The following WWOX variants were observed in gnomAD, a reference collection of about 807,000 sequenced individuals.
WWOX encodes WW domain-containing oxidoreductase.
A neutral mutation model predicts 46.2 loss-of-function variants in WWOX; 69 were observed. The ratio of observed to expected loss-of-function variants is 1.49; its 90% CI spans 1.23 to 1.82. The LOEUF is 1.82. WWOX is among the 40% of genes most tolerant of loss of function. The pLI, the probability that WWOX is intolerant of heterozygous loss-of-function variation, is 0.00. For synonymous variants in WWOX, 359 were observed against 202.6 expected, an observed-to-expected ratio of 1.77 and a Z score of -6.56; for missense variants, 919 against 542.6, an observed-to-expected ratio of 1.69 and a Z score of -6.89.
intron 8 of WWOX, among the ~76,000 whole-genome samples, chr16:79,109,533 G>C (rs1399118274): frequency 6.6e-6 from 1 of 152,100 alleles, no homozygotes; most frequent in African/African-American, 2.4e-5. Flanking sequence ...TGGGATCTTG[G>C]CAAATTAATA....
intron 8 of WWOX, among the ~76,000 whole-genome samples, chr16:78,690,185 C>G (rs935412102): frequency 6.6e-6 from 1 of 152,142 alleles, no homozygotes; most frequent in East Asian, 1.9e-4. Flanking sequence ...ACAACCCCCC[C>G]TCCACACTGC....
intron 8 of WWOX, among the ~76,000 whole-genome samples, chr16:78,757,937 C>G (rs1335254404): frequency 6.6e-6 from 1 of 151,998 alleles, no homozygotes; most frequent in Admixed American, 6.6e-5. Flanking sequence ...ATTAGGGTTT[C>G]CAAATATGAG....
In WWOX at chr16:78,933,855, A is replaced by G. The variant is rs114372555; in HGVS notation, c.1057-277753A>G. Among the ~76,000 whole-genome samples, 536 of 152,176 alleles carry G rather than the reference A, an allele frequency of 3.5e-3. 6 individuals carry two copies. The highest frequency in any genetic ancestry group is 0.012 in the African/African-American group (509 of 41,506). On this transcript the variant is annotated intron_variant, in intron 8 of 8. Transcript: ENST00000566780. ...GGAATTGTGGGAGTTACAAGTTGCA[A>G]TTCAACATGAGATTTGGGTGGGGAC...
At chr16:78,760,238 G>C (rs576163607) in intron 8 of WWOX, among the ~76,000 whole-genome samples, 2 of 152,126 alleles carry the variant, frequency 1.3e-5, no homozygotes, top group Admixed American at 6.6e-5. Context: ...GATCTCATGA[G>C]ACTTATTCAC....
chr16:78,717,155 G>C (rs949201150), intron 8 of WWOX, among the ~76,000 whole-genome samples: 4 of 152,176 alleles, frequency 2.6e-5, no homozygotes, highest in Admixed American at 2.0e-4. Flanking sequence ...TGTAAATCTA[G>C]TCTGTCTCCC....
At chr16:78,360,440 C>G (rs927600212) in intron 5 of WWOX, among the ~76,000 whole-genome samples, 5 of 151,890 alleles carry the variant, frequency 3.3e-5, no homozygotes, top group Non-Finnish European at 5.9e-5. Flanking sequence ...CAAAAATTAG[C>G]CTGGCATGGC....
At chr16:79,199,890 C>T (rs2051313592) in intron 8 of WWOX, among the ~76,000 whole-genome samples, 1 of 152,154 alleles carries the variant, frequency 6.6e-6, no homozygotes. Flanking sequence ...GTATGGCAGC[C>T]AGAGGGCAGG....
intron 8 of WWOX, among the ~76,000 whole-genome samples, chr16:79,025,243 C>A (rs548040692): frequency 6.6e-6 from 1 of 152,238 alleles, no homozygotes; most frequent in Non-Finnish European, 1.5e-5. Flanking sequence ...GAGGCTCTTG[C>A]AGTTATCTGG....
chr16:78,375,243 A>C (rs2081791164), intron 5 of WWOX, among the ~76,000 whole-genome samples: 1 of 152,254 alleles, frequency 6.6e-6, no homozygotes, highest in African/African-American at 2.4e-5. Context: ...CATATTCTGC[A>C]TACCAAGCAC....
chr16:78,873,928 G>A (rs935177009), intron 8 of WWOX, among the ~76,000 whole-genome samples: 3 of 151,998 alleles, frequency 2.0e-5, no homozygotes, highest in Non-Finnish European at 4.4e-5. Flanking sequence ...TCATTCTAGT[G>A]GCCATTGAAA....
At chr16:78,950,431 T>G (rs879909005) in intron 8 of WWOX, among the ~76,000 whole-genome samples, 1 of 151,708 alleles carries the variant, frequency 6.6e-6, no homozygotes, top group African/African-American at 2.4e-5. Context: ...CAGCTCCTGA[T>G]GAAAAAGATG....
intron 8 of WWOX, among the ~76,000 whole-genome samples, chr16:78,658,221 T>C (rs866307672): frequency 6.6e-6 from 1 of 152,222 alleles, no homozygotes; most frequent in South Asian, 2.1e-4. Context: ...ACCCCTGCTT[T>C]ATCCTCTTAC....
At chr16:78,297,263 A>T (rs2079958303) in intron 5 of WWOX, among the ~76,000 whole-genome samples, 1 of 152,168 alleles carries the variant, frequency 6.6e-6, no homozygotes, top group African/African-American at 2.4e-5. Context: ...GTTTCTGCAC[A>T]GCTTTGATCT....
At chr16:79,190,943 A>T (rs1257245289) in intron 8 of WWOX, among the ~76,000 whole-genome samples, 1 of 152,226 alleles carries the variant, frequency 6.6e-6, no homozygotes, top group East Asian at 1.9e-4. Context: ...ATTGTGGCTA[A>T]ATCTCTCATT....
intron 8 of WWOX, among the ~76,000 whole-genome samples, chr16:78,583,243 C>G (rs1319538278): frequency 6.6e-6 from 1 of 152,110 alleles, no homozygotes; most frequent in Non-Finnish European, 1.5e-5. Context: ...GAACCAGGGC[C>G]AAAGCAGTGC....
intron 8 of WWOX, among the ~76,000 whole-genome samples, chr16:79,095,707 C>A (rs2049053841): frequency 6.6e-6 from 1 of 152,096 alleles, no homozygotes; most frequent in Admixed American, 6.6e-5. Flanking sequence ...GTGCCAGGGA[C>A]TGAGTTCTTC....
At chr16:78,308,936 G>C (rs148462429) in intron 5 of WWOX, among the ~76,000 whole-genome samples, 10 of 152,036 alleles carry the variant, frequency 6.6e-5, no homozygotes, top group African/African-American at 2.4e-4. Flanking sequence ...TGTTGATCTC[G>C]GGTGTTTAGC....
intron 8 of WWOX, among the ~76,000 whole-genome samples, chr16:78,709,154 A>G (rs943316221): frequency 1.3e-5 from 2 of 152,176 alleles, no homozygotes; most frequent in Admixed American, 1.3e-4. Context: ...GAAAAAATAG[A>G]AATGGGAGGA....
chr16:78,684,787 C>A (rs1022650371), intron 8 of WWOX, among the ~76,000 whole-genome samples: 1 of 152,196 alleles, frequency 6.6e-6, no homozygotes, highest in Non-Finnish European at 1.5e-5. Flanking sequence ...CCTAGTTGAG[C>A]TTCTCTTTGT....
Sources: allele counts gnomAD v4.1 joint callset (sites outside exome capture counted in the v4.1 genomes callset), GRCh38; gene constraint gnomAD v4.1.1; transcripts MANE v1.5; gene names NCBI Gene and HGNC (gene_info 2026-07-23, HGNC 2026-07-21).